The following DROSHA variants were observed in gnomAD, a reference collection of about 807,000 sequenced individuals.
DROSHA encodes ribonuclease 3.
A neutral mutation model predicts 181.9 loss-of-function variants in DROSHA; 56 were observed. The ratio of observed to expected loss-of-function variants is 0.31; its 90% CI spans 0.25 to 0.38. The LOEUF is 0.38. DROSHA is among the 10% of genes least tolerant of loss of function. DROSHA has a pLI of 1.00. For synonymous variants in DROSHA, 524 were observed against 591.2 expected (o/e 0.89, Z 1.65); for missense variants, 1,218 against 1,743.5 (o/e 0.70, Z 5.37).
chr5:31,482,615 G>A (rs1250573900), intron 16 of DROSHA, among the ~76,000 whole-genome samples: 1 of 152,082 alleles, frequency 6.6e-6, no homozygotes, highest in Non-Finnish European at 1.5e-5. Flanking sequence ...ATAGCTCAGG[G>A]TAGAATGGTA....
At chr5:31,436,452 G>C (rs1260553175) in intron 24 of DROSHA, among the ~76,000 whole-genome samples, 1 of 150,052 alleles carries the variant, frequency 6.7e-6, no homozygotes, top group South Asian at 2.1e-4. Flanking sequence ...AAGTGTTGTG[G>C]CATAATCTCA....
At chr5:31,441,770 G>A (rs925766227) in intron 23 of DROSHA, among the ~76,000 whole-genome samples, 1 of 152,148 alleles carries the variant, frequency 6.6e-6, no homozygotes, top group Non-Finnish European at 1.5e-5. Context: ...AAGAAATAGT[G>A]AGTTTTAAGA....
rs186090558 is a variant in DROSHA, at chr5:31,523,598, A to G, written c.855-2383T>C. Among the ~76,000 whole-genome samples the G allele has an allele frequency of 1.2e-3, 184 of 152,334 alleles. 1 individual carries two copies. The highest frequency in any genetic ancestry group is 2.1e-3 in the Non-Finnish European group (143 of 68,022). ...TTTCCCAGAAGCAAAATTATTAACA[A>G]TTACTTTAGAGTCTGAAGAAAACTA... On this transcript the variant is annotated intron_variant, in intron 5 of 35. Transcript: ENST00000344624.
At chr5:31,478,796 G>GT (rs1750696805) in intron 16 of DROSHA, among the ~76,000 whole-genome samples, 1 of 152,286 alleles carries the variant, frequency 6.6e-6, no homozygotes, top group African/African-American at 2.4e-5. Context: ...CTTTCTGTTG[G>GT]TCAGAAAGAG....
chr5:31,479,912 A>G (rs1750831648), intron 16 of DROSHA, among the ~76,000 whole-genome samples: 1 of 151,912 alleles, frequency 6.6e-6, no homozygotes, highest in South Asian at 2.1e-4. Context: ...TCAGTTCTCC[A>G]AAGTGACTGT....
Position 31,483,646 on chromosome 5 carries a change from G to C in DROSHA, c.1997-18C>G. On this transcript the variant is annotated intron_variant, in intron 15 of 35. Coordinates refer to ENST00000344624, the MANE Select transcript of DROSHA (RefSeq NM_001382508.1). ...CAAAGGACCTGAAGCAAACAAATGA[G>C]AAAAAAAAAAAAAAAAGAAAACTCA... 1.6e-6 allele frequency: 2 copies of C among 1,236,442 alleles called. No homozygotes were observed. Among genetic ancestry groups the C allele is most frequent in the Non-Finnish European group, 2.2e-6 (2 of 904,856 alleles). 76.6% of individuals were successfully genotyped at this position (1,236,442 alleles called of 1,614,324 possible). A position where few individuals can be genotyped will look rare whatever the true frequency, so the allele number is the denominator to read the frequency against.
chr5:31,528,492 C>A (rs987754324), intron 4 of DROSHA, among the ~76,000 whole-genome samples: 1 of 152,160 alleles, frequency 6.6e-6, no homozygotes, highest in East Asian at 1.9e-4. Flanking sequence ...CCTCACCCCC[C>A]ATCCTTAGCT....
intron 5 of DROSHA, among the ~76,000 whole-genome samples, chr5:31,525,360 C>T (rs1580389979): frequency 1.4e-5 from 2 of 145,486 alleles, no homozygotes; most frequent in Admixed American, 6.9e-5. Flanking sequence ...AAAAATTAGC[C>T]GAGTGTGGTC....
Position 31,400,655 on chromosome 5 carries a change from G to C in DROSHA, c.*777C>G, listed in dbSNP as rs1288679609. 2 of 152,204 alleles carry C rather than the reference G, an allele frequency of 1.3e-5. No individual in the cohort carries two copies. The highest frequency in any genetic ancestry group is 2.9e-5 in the Non-Finnish European group (2 of 68,058). The allele number at this position is 152,204 out of a possible 1,614,324, so 9.4% of individuals were successfully genotyped here. A position where few individuals can be genotyped will look rare whatever the true frequency, so the allele number is the denominator to read the frequency against. On this transcript the variant is annotated 3_prime_UTR_variant, in exon 36 of 36. Coordinates refer to ENST00000344624, the MANE Select transcript of DROSHA (RefSeq NM_001382508.1). The stretch of plus-strand genomic sequence containing the variant: ...AAAGCTATAAACCCTCCTCCTTCCT[G>C]CTCCCCATGCCCTCTCAAATCTCAA...
chr5:31,438,261 T>C (rs552148726), intron 23 of DROSHA, among the ~76,000 whole-genome samples: 2 of 152,114 alleles, frequency 1.3e-5, no homozygotes, highest in Non-Finnish European at 2.9e-5. Flanking sequence ...ATTTAGGTTT[T>C]CAACAGGCCA....
chr5:31,486,200 C>A (rs186251344), intron 14 of DROSHA, among the ~76,000 whole-genome samples: 3 of 152,170 alleles, frequency 2.0e-5, no homozygotes, highest in Admixed American at 2.0e-4. Flanking sequence ...TGGCCAGTAA[C>A]CAAAATCTGT....
chr5:31,439,161 C>T (rs750117478), intron 23 of DROSHA, among the ~76,000 whole-genome samples: 4 of 152,166 alleles, frequency 2.6e-5, no homozygotes, highest in Non-Finnish European at 5.9e-5. Flanking sequence ...CATGGTTTCA[C>T]CTTCCACTGT....
chr5:31,507,827 T>C (rs10940953), intron 10 of DROSHA, among the ~76,000 whole-genome samples: 75,770 of 152,008 alleles, frequency 0.5, 21,607 homozygotes, highest in Non-Finnish European at 0.65. Flanking sequence ...TTAAAATGCA[T>C]TGGCAGTTCT....
intron 20 of DROSHA, among the ~76,000 whole-genome samples, chr5:31,460,251 G>GA (rs1039995758): frequency 5.9e-5 from 9 of 152,118 alleles, no homozygotes; most frequent in African/African-American, 2.2e-4. Flanking sequence ...CAGCAACACA[G>GA]AAAAAATTCT....
chr5:31,446,413 C>G (rs1224924535), intron 23 of DROSHA, among the ~76,000 whole-genome samples: 2 of 130,380 alleles, frequency 1.5e-5, no homozygotes, highest in Non-Finnish European at 3.1e-5. Flanking sequence ...TACCACTGCA[C>G]TCCAGCCTGG....
chr5:31,522,409 G>A (rs945401471), intron 5 of DROSHA, among the ~76,000 whole-genome samples: 37 of 151,720 alleles, frequency 2.4e-4, no homozygotes, highest in Admixed American at 2.0e-3. Context: ...AAATAATTGC[G>A]TACATTTCCA....
Position 31,451,593 on chromosome 5 carries a change from T to C in DROSHA, c.2622A>G (p.Gln874=), listed in dbSNP as rs1044760232. The change falls in exon 21 of 36, where the codon CAA becomes CAG. Residue 874 remains glutamine, a synonymous_variant. Transcript: ENST00000344624. ...TCAACTTGTCCAAATGCATTAGGCA[T>C]TGGTGGTAGCGGATATGATGGGTCA... ...PVLTHHIRYH[Q]CLMHLDKLIG... 105 of 1,612,966 alleles carry C rather than the reference T, an allele frequency of 6.5e-5. No homozygotes were observed. The highest frequency in any genetic ancestry group is 8.7e-5 in the Non-Finnish European group (103 of 1,179,562).
intron 17 of DROSHA, among the ~76,000 whole-genome samples, chr5:31,471,001 A>C (rs1749661182): frequency 6.6e-6 from 1 of 152,250 alleles, no homozygotes; most frequent in Non-Finnish European, 1.5e-5. Flanking sequence ...AAGTTACTTT[A>C]ATAATTATGT....
At chr5:31,509,112 C>T (rs572338839) in intron 9 of DROSHA, among the ~76,000 whole-genome samples, 2 of 152,164 alleles carry the variant, frequency 1.3e-5, no homozygotes, top group African/African-American at 2.4e-5. Flanking sequence ...CATGAGCCAC[C>T]GCACCCGGCT....
Sources: gnomAD v4.1 joint callset for allele counts (sites outside exome capture counted in the v4.1 genomes callset) on GRCh38, gnomAD v4.1.1 for gene constraint, MANE v1.5 for transcripts, NCBI Gene and HGNC (gene_info 2026-07-23, HGNC 2026-07-21) for gene names.